LRRC43: variants seen among roughly 807,000 people sequenced by gnomAD.
LRRC43 encodes leucine rich repeat containing 43.
Under a neutral mutation model 64.3 loss-of-function variants are expected in LRRC43, and 62 were observed. That is an observed-to-expected ratio of 0.96 (90% CI 0.79 to 1.19). The LOEUF (loss-of-function observed/expected upper bound fraction) is 1.19, where lower values mean the gene tolerates loss of function less well. Ranked by LOEUF, LRRC43 falls within the 50% of genes most tolerant of loss-of-function variation. The pLI, the probability that LRRC43 is intolerant of heterozygous loss-of-function variation, is 0.00. For missense variants in LRRC43, 868 were observed against 845.0 expected (o/e 1.03, Z -0.34); for synonymous variants, 422 against 382.3 (o/e 1.10, Z -1.21).
At chr12:122,181,492 G>A (rs1455302593), upstream of LRRC43, among the ~76,000 whole-genome samples, 2 of 149,258 alleles carry the variant, frequency 1.3e-5, no homozygotes, top group Non-Finnish European at 3.0e-5. Context: ...GCAGTGAGCC[G>A]AGATTGCACC....
rs1340910081 is a variant in LRRC43, at chr12:122,203,447, T to C, written c.*5T>C. 1.2e-6 allele frequency: 2 copies of C among 1,608,666 alleles called. No individual in the cohort carries two copies. Among genetic ancestry groups the C allele is most frequent in the Admixed American group, 1.7e-5 (1 of 59,910 alleles). On this transcript the variant is annotated 3_prime_UTR_variant, in exon 12 of 12. Transcript: ENST00000339777. ...CTGCGCATGTTCGCCGTGTAGGGCG[T>C]GGGCAGTAAAGGCTGTTCCCAGCAC...
Position 122,203,391 on chromosome 12 carries a change from G to A in LRRC43, c.1920G>A (p.Gln640=). 1.2e-6 allele frequency: 2 copies of A among 1,613,082 alleles called. No individual in the cohort carries two copies. Among genetic ancestry groups the A allele is most frequent in the Non-Finnish European group, 1.7e-6 (2 of 1,179,848 alleles). The change falls in exon 12 of 12, where the codon CAG becomes CAA. Residue 640 remains glutamine, a synonymous_variant. Coordinates refer to ENST00000339777, the MANE Select transcript of LRRC43 (RefSeq NM_001098519.2). ...CCCTGACCGTAGAGGTGCAGATCCAGCTGAACCAGTGCCGCTCGGCGGAGG... is the reference window on the plus strand; with the variant it reads ...CCCTGACCGTAGAGGTGCAGATCCAACTGAACCAGTGCCGCTCGGCGGAGG... The part of the protein sequence containing the change: ...PEPLTVEVQI[Q]LNQCRSAEEA...
chr12:122,180,823 C>A (rs1293763434), upstream of LRRC43, among the ~76,000 whole-genome samples: 2 of 152,170 alleles, frequency 1.3e-5, no homozygotes, highest in African/African-American at 2.4e-5. Flanking sequence ...TCCTTCACTG[C>A]ACATTGTCCA....
At position 122,174,631 on chromosome 12, in the gene LRRC43, G is replaced by A. The variant is rs560282487; in HGVS notation, c.-406+6849G>A. Among the ~76,000 whole-genome samples the A allele has an allele frequency of 1.2e-4, 18 of 152,208 alleles. No individual in the cohort carries two copies. In the East Asian group the frequency reaches 2.7e-3, roughly 23 times the overall value. On this transcript the variant is annotated intron_variant, in intron 1 of 5. Transcript: ENST00000537729. Reference sequence around the variant, plus strand: ...AGCCGGCATGAGATGTGCAGAATGCGGTATCTCTGGAAATTTCTGCAGCAT... The same window carrying A: ...AGCCGGCATGAGATGTGCAGAATGCAGTATCTCTGGAAATTTCTGCAGCAT...
intron 7 of LRRC43, among the ~76,000 whole-genome samples, chr12:122,196,324 G>C (rs79261761): frequency 2.5e-4 from 38 of 152,226 alleles, no homozygotes; most frequent in African/African-American, 9.2e-4. Flanking sequence ...TAGTTTACTT[G>C]TAAGCCTTTA....
At chr12:122,186,090 ACT>A (rs1403973891) in intron 2 of LRRC43, 98 bp from the exon 3 acceptor site, 3 of 691,932 alleles carry the variant, frequency 4.3e-6, no homozygotes, top group Non-Finnish European at 7.8e-6. Flanking sequence ...AGGGGAAGTA[ACT>A]CTGATGGAGG....
At chr12:122,194,428 TG>T (rs1953754494) in intron 7 of LRRC43, among the ~76,000 whole-genome samples, 1 of 150,440 alleles carries the variant, frequency 6.6e-6, no homozygotes, top group Non-Finnish European at 1.5e-5. Context: ...TAGCCAGGAG[TG>T]GTGACTAATC....
chr12:122,201,208 C>T, intron 10 of LRRC43, 88 bp from the exon 11 acceptor site: 2 of 1,336,882 alleles, frequency 1.5e-6, no homozygotes, highest in African/African-American at 1.4e-5. Flanking sequence ...CCTGTCAGAG[C>T]CTTGGAGGAG....
intron 1 of LRRC43, 132 bp downstream of exon 1, chr12:122,183,426 G>GT: frequency 9.1e-7 from 1 of 1,095,816 alleles, no homozygotes; most frequent in Non-Finnish European, 1.2e-6. Flanking sequence ...ATGGGGGCGG[G>GT]TGGGGCTTGA....
At chr12:122,169,932 A>G (rs572496742) in intron 1 of LRRC43, among the ~76,000 whole-genome samples, 53 of 151,868 alleles carry the variant, frequency 3.5e-4, no homozygotes, top group African/African-American at 1.2e-3. Context: ...TCAGCCTCCC[A>G]AGTAGCTGGG....
Position 122,192,913 on chromosome 12 carries a change from C to A in LRRC43, c.1258C>A (p.Pro420Thr). 6.2e-7 allele frequency: 1 copy of A among 1,614,038 alleles called. No homozygotes were observed. The highest frequency in any genetic ancestry group is 8.5e-7 in the Non-Finnish European group (1 of 1,180,002). The change falls in exon 7 of 12, where the codon CCT (proline) becomes ACT (threonine). Residue 420 changes from proline to threonine, a missense_variant. Coordinates refer to ENST00000339777, the MANE Select transcript of LRRC43 (RefSeq NM_001098519.2). ...GESELSVISG[P>T]STILQMPRAS... ...GTCGGAGCTGTCTGTCATCTCGGGG[C>A]CTTCGACCATCTTGCAGATGCCGAG...
At chr12:122,191,265 C>A in intron 5 of LRRC43, 115 bp from the exon 6 acceptor site, 2 of 864,496 alleles carry the variant, frequency 2.3e-6, no homozygotes, top group Non-Finnish European at 3.5e-6. Flanking sequence ...CCCACCAAGG[C>A]TCAGCCCTGA....
intron 1 of LRRC43, among the ~76,000 whole-genome samples, chr12:122,168,258 T>C (rs991486285): frequency 1.3e-4 from 20 of 149,012 alleles, no homozygotes; most frequent in Admixed American, 1.3e-3. Flanking sequence ...CTGGCCAACC[T>C]GGTGAAACCC....
intron 10 of LRRC43, 108 bp from the exon 11 acceptor site, chr12:122,201,188 C>T (rs1471253453): frequency 5.9e-6 from 7 of 1,178,238 alleles, no homozygotes. Flanking sequence ...GAGACCCCCG[C>T]CTTCCTGGAC....
Position 122,203,383 on chromosome 12 carries a change from C to G in LRRC43, c.1912C>G (p.Gln638Glu), listed in dbSNP as rs755598010. Residue 638 changes from glutamine (Q) to glutamate (E), a missense_variant, in exon 12 of 12, where the codon CAG becomes GAG. Gln to Glu is a conservative substitution (Grantham distance 29). Transcript: ENST00000339777. The stretch of plus-strand genomic sequence containing the variant: ...CCCTGAGCCCCTGACCGTAGAGGTG[C>G]AGATCCAGCTGAACCAGTGCCGCTC... ...YHPEPLTVEVQIQLNQCRSAE... is the reference protein window; with the variant it reads ...YHPEPLTVEVEIQLNQCRSAE... 4 of 1,613,340 alleles carry G rather than the reference C, an allele frequency of 2.5e-6. No homozygotes were observed. The highest frequency in any genetic ancestry group is 4.5e-5 in the East Asian group (2 of 44,850).
rs373684289 is a variant in LRRC43 at position 122,184,699 on chromosome 12, T to C, written c.331T>C (p.Leu111=). The change falls in exon 2 of 12, where the codon TTG becomes CTG. Residue 111 remains leucine (L), a synonymous_variant. Transcript: ENST00000339777. This position sits in a 1 kb window ranked among gnomAD's most constrained non-coding sequence, Gnocchi z 4.0. ...SNAEDSFLRE[L]AIRNPLTITD... is the part of the protein sequence containing the mutation. ...TGCAGAAGACAGTTTCCTGAGAGAA[T>C]TGGCCATCCGGAACCCGCTGACGAT... The C allele has an allele frequency of 7.4e-6, 12 of 1,613,920 alleles. No individual in the cohort carries two copies. Among genetic ancestry groups the C allele is most frequent in the South Asian group, 4.4e-5 (4 of 91,060 alleles).
intron 4 of LRRC43, chr12:122,189,323 C>A: frequency 2.3e-6 from 1 of 431,158 alleles, no homozygotes; most frequent in South Asian, 1.7e-5. Flanking sequence ...CAACCCTCTA[C>A]ATGCCTGGAG....
At chr12:122,187,181 A>T (rs1040935281) in intron 3 of LRRC43, among the ~76,000 whole-genome samples, 2 of 152,084 alleles carry the variant, frequency 1.3e-5, no homozygotes, top group Admixed American at 1.3e-4. Context: ...CAGTGAGCCA[A>T]GATTGTGCCA....
chr12:122,198,139 C>T (rs1953790564), intron 7 of LRRC43, among the ~76,000 whole-genome samples: 1 of 152,002 alleles, frequency 6.6e-6, no homozygotes, highest in African/African-American at 2.4e-5. Flanking sequence ...CACCACCATG[C>T]CCGGCTAATT....
Sources: gnomAD v4.1 joint callset for allele counts (sites outside exome capture counted in the v4.1 genomes callset) on GRCh38, gnomAD v4.1.1 for gene constraint, Gnocchi (gnomAD v3.1) non-coding constraint, MANE v1.5 for transcripts, NCBI Gene and HGNC (gene_info 2026-07-23, HGNC 2026-07-21) for gene names.